The following PPARG variants were observed in gnomAD, a reference collection of about 807,000 sequenced individuals.
PPARG encodes peroxisome proliferator activated receptor gamma, also known as peroxisome proliferator-activated receptor gamma.
Under a neutral mutation model 39.2 loss-of-function variants are expected in PPARG, and 17 were observed. That is an observed-to-expected ratio of 0.43 (90% CI 0.30 to 0.65). PPARG has a LOEUF of 0.65. Among genes scored for constraint, PPARG ranks in the 30% least tolerant of loss-of-function variants. PPARG has a pLI of 0.13. For missense variants in PPARG, 406 were observed against 585.9 expected, an observed-to-expected ratio of 0.69 and a Z score of 3.17; for synonymous variants, 223 against 215.7, an observed-to-expected ratio of 1.03 and a Z score of -0.30.
At position 12,416,668 on chromosome 3, in the gene PPARG, T is replaced by A. The variant is rs765862062; in HGVS notation, c.730-36T>A. 4 of 1,588,114 alleles carry A rather than the reference T, an allele frequency of 2.5e-6. No homozygotes were observed. In the South Asian group the frequency reaches 4.5e-5, roughly 18 times the overall value. ...TGGCATTCACTGTGAGTTAGAAATC[T>A]CCAAGTCATCCACGTTTTCCCTGTT... On this transcript the variant is annotated intron_variant, in intron 6 of 7. Transcript: ENST00000651735.
At chr3:12,357,257 T>C (rs552837248) in intron 2 of PPARG, among the ~76,000 whole-genome samples, 1 of 152,176 alleles carries the variant, frequency 6.6e-6, no homozygotes, top group South Asian at 2.1e-4. Context: ...CCTCCTGCCC[T>C]ACCCCAGCTG....
intron 7 of PPARG, among the ~76,000 whole-genome samples, chr3:12,431,510 T>C (rs890597586): frequency 3.9e-5 from 6 of 152,024 alleles, no homozygotes; most frequent in Non-Finnish European, 8.8e-5. Context: ...AGGAATTCAA[T>C]AAATTAAAAA....
intron 4 of PPARG, among the ~76,000 whole-genome samples, chr3:12,388,398 T>C (rs574346678): frequency 8.2e-4 from 125 of 152,346 alleles, no homozygotes; most frequent in Non-Finnish European, 1.4e-3. Flanking sequence ...CCATGATAGA[T>C]GCCCAGAGAG....
intron 2 of PPARG, among the ~76,000 whole-genome samples, chr3:12,322,578 T>A: frequency 6.6e-6 from 1 of 152,168 alleles, no homozygotes; most frequent in South Asian, 2.1e-4. Context: ...GCTGAACCCT[T>A]AAGTAAGGAT....
chr3:12,386,227 A>C (rs1165841901), intron 4 of PPARG, among the ~76,000 whole-genome samples: 5 of 152,216 alleles, frequency 3.3e-5, no homozygotes, highest in African/African-American at 1.2e-4. Context: ...ATAATTTTAC[A>C]GAAAAGCACT....
chr3:12,356,229 T>TTTTTTTG (rs949650920), intron 2 of PPARG, among the ~76,000 whole-genome samples: 3 of 152,312 alleles, frequency 2.0e-5, no homozygotes, highest in African/African-American at 7.2e-5. Context: ...CAGATTGTCT[T>TTTTTTTG]TTTTTTGTTT....
chr3:12,363,616 C>T (rs1309867362), intron 2 of PPARG, among the ~76,000 whole-genome samples: 1 of 152,168 alleles, frequency 6.6e-6, no homozygotes, highest in Non-Finnish European at 1.5e-5. Flanking sequence ...TCTGTCTTTT[C>T]CCATTTGCAG....
intron 2 of PPARG, among the ~76,000 whole-genome samples, chr3:12,353,420 C>T (rs2048550801): frequency 6.6e-6 from 1 of 152,108 alleles, no homozygotes; most frequent in African/African-American, 2.4e-5. Context: ...CCACCTCTTC[C>T]AAAACAGACA....
intron 2 of PPARG, among the ~76,000 whole-genome samples, chr3:12,341,187 A>G (rs1263439968): frequency 2.0e-5 from 3 of 152,142 alleles, no homozygotes; most frequent in African/African-American, 4.8e-5. Flanking sequence ...CGTCTCAAAA[A>G]AAAAAAAAAG....
At chr3:12,330,092 A>G (rs996687996) in intron 2 of PPARG, among the ~76,000 whole-genome samples, 11 of 152,194 alleles carry the variant, frequency 7.2e-5, no homozygotes, top group African/African-American at 2.7e-4. Flanking sequence ...ATAATGCTTC[A>G]GTAAACATTG....
intron 1 of PPARG, among the ~76,000 whole-genome samples, chr3:12,296,823 G>A (rs1289246856): frequency 6.6e-6 from 1 of 152,212 alleles, no homozygotes; most frequent in Non-Finnish European, 1.5e-5. Flanking sequence ...CTAGAGGACT[G>A]GTTCATGTTA....
chr3:12,379,670 CTT>C (rs762574303), intron 2 of PPARG, 32 bp from the exon 3 acceptor site: 4 of 1,573,494 alleles, frequency 2.5e-6, no homozygotes, highest in Admixed American at 3.3e-5. Context: ...TTCTCTAGGA[CTT>C]AACTTCACAG....
intron 5 of PPARG, among the ~76,000 whole-genome samples, chr3:12,392,995 T>C (rs1401309050): frequency 6.6e-6 from 1 of 152,166 alleles, no homozygotes; most frequent in East Asian, 1.9e-4. Flanking sequence ...ATCTGGGGGA[T>C]TATGGGAAAA....
chr3:12,300,773 A>AAC (rs1211918099), intron 1 of PPARG, among the ~76,000 whole-genome samples: 1 of 152,196 alleles, frequency 6.6e-6, no homozygotes, highest in Non-Finnish European at 1.5e-5. Context: ...TCATGGGAAA[A>AAC]TTCCATGTAC....
chr3:12,339,617 C>G (rs1468379147), intron 2 of PPARG, among the ~76,000 whole-genome samples: 2 of 152,142 alleles, frequency 1.3e-5, no homozygotes, highest in Admixed American at 6.6e-5. Flanking sequence ...AAGAATGGAT[C>G]CAGTAACTAC....
intron 6 of PPARG, among the ~76,000 whole-genome samples, chr3:12,409,509 CAG>C (rs934700317): frequency 6.6e-6 from 1 of 151,950 alleles, no homozygotes; most frequent in Non-Finnish European, 1.5e-5. Context: ...GCATCTATCT[CAG>C]GGGTATTATG....
chr3:12,336,709 G>T (rs556850051), intron 2 of PPARG, among the ~76,000 whole-genome samples: 1 of 152,200 alleles, frequency 6.6e-6, no homozygotes, highest in Non-Finnish European at 1.5e-5. Context: ...ACTGAATCAG[G>T]TCTCAGGAAC....
At chr3:12,384,726 T>G (rs539019205) in intron 4 of PPARG, among the ~76,000 whole-genome samples, 6 of 152,170 alleles carry the variant, frequency 3.9e-5, no homozygotes, top group Non-Finnish European at 7.4e-5. Flanking sequence ...TTTATTACTT[T>G]TTTCACTTTC....
chr3:12,325,905 G>A (rs1054954847), intron 2 of PPARG, among the ~76,000 whole-genome samples: 7 of 151,644 alleles, frequency 4.6e-5, no homozygotes, highest in Admixed American at 1.3e-4. Context: ...TCCAGTTTTC[G>A]GTCGTTCATT....
Sources: allele counts gnomAD v4.1 joint callset (sites outside exome capture counted in the v4.1 genomes callset), GRCh38; gene constraint gnomAD v4.1.1; transcripts MANE v1.5; gene names NCBI Gene and HGNC (gene_info 2026-07-23, HGNC 2026-07-21).